HELZ2: variants seen among roughly 807,000 people sequenced by gnomAD.
HELZ2 encodes the protein 3'-5' exoribonuclease HELZ2.
In HELZ2, 143 loss-of-function variants were observed where a neutral mutation model predicts 208.8. The observed-to-expected ratio is 0.68, with a 90% CI of 0.60 to 0.79. HELZ2 has a LOEUF of 0.79. Ranked by LOEUF, HELZ2 falls within the 30% of genes least tolerant of loss-of-function variation. The pLI is 0.00. For synonymous variants in HELZ2, 1,705 were observed against 1,693.7 expected (o/e 1.01, Z -0.16); for missense variants, 3,690 against 3,794.5 (o/e 0.97, Z 0.72).
At chr20:63,559,241 G>A (rs1348395767) in exon 19 of HELZ2, 33 of 1,543,010 alleles carry the variant, frequency 2.1e-5, no homozygotes, top group Non-Finnish European at 2.7e-5. Context: ...GGTGGAGAGG[G>A]CTCTTCAGGA....
intron 4 of HELZ2, 69 bp downstream of exon 5, chr20:63,569,079 T>C (rs2082993047): frequency 2.5e-6 from 4 of 1,586,418 alleles, no homozygotes; most frequent in Admixed American, 1.8e-5. Flanking sequence ...TCCGCTCCCG[T>C]TGCCCCAGCC....
exon 8 of HELZ2, chr20:63,564,127 G>A (rs758982681): frequency 6.2e-7 from 1 of 1,611,550 alleles, no homozygotes; most frequent in Non-Finnish European, 8.5e-7. Context: ...TCTCACACAG[G>A]GCCTTGAGCT....
chr20:63,561,562 G>C, intron 12 of HELZ2, 39 bp downstream of exon 13: 2 of 1,582,580 alleles, frequency 1.3e-6, no homozygotes, highest in Non-Finnish European at 8.6e-7. Flanking sequence ...TGGACAGCTC[G>C]GCCCCACTCC....
Position 63,565,944 on chromosome 20 carries a change from G to A in HELZ2, c.2878C>T (p.Arg960Cys), listed in dbSNP as rs146181442. The A allele has an allele frequency of 1.1e-5, 18 of 1,598,770 alleles. No individual in the cohort carries two copies. The East Asian group carries it at 2.7e-4, about 24-fold the overall frequency. Reference sequence around the variant, plus strand: ...GCCTGTGTGCCTCGGGGAGGCCAGCGCCGTCTCTGCGCCACACCCTGCTCG... The same window carrying A: ...GCCTGTGTGCCTCGGGGAGGCCAGCACCGTCTCTGCGCCACACCCTGCTCG... Residue 960 changes from arginine to cysteine, a missense_variant, in exon 8 of 19, where the codon CGC becomes TGC. Arg to Cys is a radical substitution (Grantham distance 180, BLOSUM62 -3). This residue lies in a region of HELZ2 where 2,564 missense variants were observed against 2,580.5 expected (regional missense o/e 0.99). Transcript: ENST00000467148.
upstream of HELZ2, chr20:63,572,958 G>C (rs950094036): frequency 6.5e-6 from 1 of 152,988 alleles, no homozygotes; most frequent in Non-Finnish European, 1.5e-5. Flanking sequence ...AGGATCTCGC[G>C]GGAGCAGTCA....
intron 5 of HELZ2, 26 bp from the exon 7 acceptor site, chr20:63,567,653 G>A (rs756368815): frequency 1.3e-6 from 2 of 1,586,532 alleles, no homozygotes; most frequent in Non-Finnish European, 1.7e-6. Flanking sequence ...GAGCTCATGG[G>A]CTTCTTGCTG....
At chr20:63,565,968 C>T (rs752311100) in exon 8 of HELZ2, 4 of 1,599,178 alleles carry the variant, frequency 2.5e-6, no homozygotes, top group Admixed American at 1.7e-5. Flanking sequence ...ACACCCTGCT[C>T]GACCTGCTCC....
chr20:63,564,840 C>T (rs1269852213), exon 8 of HELZ2: 1 of 1,610,914 alleles, frequency 6.2e-7, no homozygotes, highest in Non-Finnish European at 8.5e-7. Context: ...GCAACCCGGC[C>T]AAGCTCCGTG....
At chr20:63,561,200 C>G in exon 14 of HELZ2, 3 of 1,613,018 alleles carry the variant, frequency 1.9e-6, no homozygotes, top group Non-Finnish European at 1.7e-6. Context: ...AGAGGCTGCA[C>G]AGGAGCAGGT....
At position 63,565,823 on chromosome 20, in the gene HELZ2, G is replaced by A. The variant is rs762199709; in HGVS notation, c.2999C>T (p.Pro1000Leu). Residue 1000 changes from proline to leucine, a missense_variant, in exon 8 of 19, where the codon CCG (proline) becomes CTG (leucine). Coordinates refer to ENST00000467148, the Ensembl canonical transcript of HELZ2. ...TGCTGGGCTCAGAGCCTCATCTCCC[G>A]GCTCTGCCTTCACCATGGCCGTCAC... The A allele has an allele frequency of 1.6e-5, 25 of 1,599,036 alleles. No individual in the cohort carries two copies. The highest frequency in any genetic ancestry group is 4.5e-5 in the East Asian group (2 of 44,846).
At chr20:63,562,740 T>A (rs769945640) in exon 8 of HELZ2, 2 of 1,604,174 alleles carry the variant, frequency 1.2e-6, no homozygotes, top group Non-Finnish European at 1.7e-6. Context: ...GGGCCGAGGC[T>A]GCTGGGCCCA....
exon 2 of HELZ2, chr20:63,570,829 T>G (rs200568448): frequency 5.1e-5 from 82 of 1,607,366 alleles, no homozygotes; most frequent in Non-Finnish European, 1.4e-5. Flanking sequence ...GTGCTGAGTG[T>G]GCCTTGGTGC....
chr20:63,561,812 C>A lies in HELZ2; in HGVS notation c.6691+11G>T. 1 of 1,554,598 alleles carries A rather than the reference C, an allele frequency of 6.4e-7. No homozygotes were observed. The highest frequency in any genetic ancestry group is 1.2e-5 in the South Asian group (1 of 85,140). ...GCTCCCCAAAGGCCCCCACCGCCGA[C>A]CCCGGCGCACCTGCCAGGACATCCA... On this transcript the variant is annotated intron_variant, in intron 11 of 18. Transcript: ENST00000467148.
chr20:63,564,624 C>A, exon 8 of HELZ2: 2 of 1,568,516 alleles, frequency 1.3e-6, no homozygotes, highest in Non-Finnish European at 1.7e-6. Context: ...GGCTCCCTGC[C>A]GGGGGCATAG....
At position 63,561,586 on chromosome 20, in the gene HELZ2, A is replaced by G. The variant is rs2082887346; in HGVS notation, c.6836+15T>C. 1 of 1,593,966 alleles carries G rather than the reference A, an allele frequency of 6.3e-7. No homozygotes were observed. The highest frequency in any genetic ancestry group is 1.1e-5 in the South Asian group (1 of 87,850). On this transcript the variant is annotated intron_variant, in intron 12 of 18. Coordinates refer to ENST00000467148, the Ensembl canonical transcript of HELZ2. Reference sequence around the variant, plus strand: ...CGGCCCCACTCCGCCCAAGCCCCAAAGACAGCAGGCACACCTGAGGCTCTG... The same window carrying G: ...CGGCCCCACTCCGCCCAAGCCCCAAGGACAGCAGGCACACCTGAGGCTCTG...
chr20:63,568,709 T>G (rs755067916), exon 5 of HELZ2: 17 of 1,606,094 alleles, frequency 1.1e-5, no homozygotes, highest in Non-Finnish European at 1.4e-5. Context: ...GGCCTCAGGC[T>G]GCAGCCCCAG....
At position 63,568,323 on chromosome 20, in the gene HELZ2, C is replaced by T. The variant is rs2082983476; in HGVS notation, c.1730+35G>A. ...CCCGGTGTAGACTTGGGCCGGGCGT[C>T]AGGTGAGGTGGGGGCAGGCCAGGCT... On this transcript the variant is annotated intron_variant, in intron 5 of 18. Coordinates refer to ENST00000467148, the Ensembl canonical transcript of HELZ2. 3 of 1,512,978 alleles carry T rather than the reference C, an allele frequency of 2.0e-6. No individual in the cohort carries two copies. In the East Asian group the frequency reaches 6.8e-5, roughly 34 times the overall value. The allele number at this position is 1,512,978 out of a possible 1,614,324, so 93.7% of individuals were successfully genotyped here.
In HELZ2 at chr20:63,563,110, C is replaced by G. The variant is rs371982892; in HGVS notation, c.5712G>C (p.Thr1904=). Residue 1904 remains threonine (T), a synonymous_variant, in exon 8 of 19, where the codon ACG becomes ACC. Transcript: ENST00000467148. ...GGCAGAGGCTGAAGCCCGGTGCCAC[C>G]GTCCAGAGCTGAGGGCTCGGTACCA... is the stretch of plus-strand genomic sequence containing the variant. 11 of 1,594,470 alleles carry G rather than the reference C, an allele frequency of 6.9e-6. No homozygotes were observed. In the South Asian group the frequency reaches 1.1e-4, roughly 16 times the overall value.
Position 63,569,694 on chromosome 20 carries a change from G to T in HELZ2, c.571-29C>A. On this transcript the variant is annotated intron_variant, in intron 3 of 18. Coordinates refer to ENST00000467148, the Ensembl canonical transcript of HELZ2. ...GAGAGGAGGCCAGACGGTGAGGGGG[G>T]CCCAGGGCTCCCCCCAACCCTCCCG... 6.7e-6 allele frequency: 10 copies of T among 1,485,686 alleles called. No individual in the cohort carries two copies. In the South Asian group the frequency reaches 1.2e-4, roughly 17 times the overall value. 92.0% of individuals were successfully genotyped at this position (1,485,686 alleles called of 1,614,324 possible).
Sources: gnomAD v4.1 joint callset for allele counts on GRCh38, gnomAD v4.1.1 for gene constraint, gnomAD v4.1.1 regional missense constraint, MANE v1.5 for transcripts, NCBI Gene and HGNC (gene_info 2026-07-23, HGNC 2026-07-21) for gene names.